Variants in LTBP1 observed in about 807,000 individuals in gnomAD.
The protein encoded by LTBP1 is latent-transforming growth factor beta-binding protein 1.
A neutral mutation model predicts 207.6 loss-of-function variants in LTBP1; 129 were observed. The observed-to-expected ratio is 0.62, with a 90% CI of 0.54 to 0.72. The LOEUF (loss-of-function observed/expected upper bound fraction) is 0.72. Among genes scored for constraint, LTBP1 ranks in the 30% least tolerant of loss-of-function variants. LTBP1 has a pLI of 0.00. For synonymous variants in LTBP1, 963 were observed against 833.7 expected (o/e 1.16, Z -2.67); for missense variants, 2,281 against 2,217.2 (o/e 1.03, Z -0.58).
In LTBP1 at chr2:33,345,566, T is replaced by A. The variant is rs142763538; in HGVS notation, c.3857-1801T>A. On this transcript the variant is annotated intron_variant, in intron 25 of 33. Coordinates refer to ENST00000404816, the MANE Select transcript of LTBP1 (RefSeq NM_206943.4). ...TAAGTTTTTCTGGTCTCAATATGAC[T>A]GTCGGTTGATTAAATATTTCAACTC... Among the ~76,000 whole-genome samples, 5 of 152,368 alleles carry A rather than the reference T, an allele frequency of 3.3e-5. No homozygotes were observed. In the East Asian group the frequency reaches 9.6e-4, roughly 29 times the overall value.
intron 24 of LTBP1, among the ~76,000 whole-genome samples, chr2:33,341,727 A>ATATAT (rs1285574448): frequency 5.6e-5 from 5 of 89,604 alleles, no homozygotes; most frequent in African/African-American, 3.1e-4. Flanking sequence ...AAAAAAAAAA[A>ATATAT]AAATATATAT....
intron 4 of LTBP1, among the ~76,000 whole-genome samples, chr2:33,120,757 AG>A (rs2081059418): frequency 6.6e-6 from 1 of 152,180 alleles, no homozygotes; most frequent in African/African-American, 2.4e-5. Flanking sequence ...TAGCTCTTTG[AG>A]GAATTGCCAA....
chr2:33,350,704 G>C lies in LTBP1; in HGVS notation c.4000+3194G>C, dbSNP rs571354008. Among the ~76,000 whole-genome samples, 6 of 147,402 alleles carry C rather than the reference G, an allele frequency of 4.1e-5. No individual in the cohort carries two copies. In the East Asian group the frequency reaches 1.2e-3, roughly 28 times the overall value. On this transcript the variant is annotated intron_variant, in intron 26 of 33. Transcript: ENST00000404816. ...TCTGAAAAAGAAGTAACTAAAAAAT[G>C]TCCATACCAGGCCACTCATCACATT... is the stretch of plus-strand genomic sequence containing the variant.
chr2:32,996,545 G>A (rs1293298622), intron 2 of LTBP1, among the ~76,000 whole-genome samples: 1 of 152,082 alleles, frequency 6.6e-6, no homozygotes, highest in Non-Finnish European at 1.5e-5. Context: ...AGATGCTGGG[G>A]GTGCAGTGGT....
At chr2:33,085,851 T>C (rs988613521) in intron 3 of LTBP1, among the ~76,000 whole-genome samples, 6 of 152,172 alleles carry the variant, frequency 3.9e-5, no homozygotes, top group Admixed American at 1.3e-4. Context: ...TTCTGGCCAC[T>C]GGGTGTGGTG....
At chr2:33,322,334 C>T (rs2094367815) in intron 24 of LTBP1, among the ~76,000 whole-genome samples, 1 of 152,232 alleles carries the variant, frequency 6.6e-6, no homozygotes, top group South Asian at 2.1e-4. Context: ...GGGCGTCCTA[C>T]ATCTGACTCC....
intron 3 of LTBP1, among the ~76,000 whole-genome samples, chr2:33,024,526 T>A (rs2075323525): frequency 6.6e-6 from 1 of 152,162 alleles, no homozygotes; most frequent in Non-Finnish European, 1.5e-5. Flanking sequence ...CAGGTGGGGA[T>A]TAGATGAATT....
At chr2:33,182,124 G>T (rs534757879) in intron 5 of LTBP1, among the ~76,000 whole-genome samples, 1 of 151,954 alleles carries the variant, frequency 6.6e-6, no homozygotes, top group Non-Finnish European at 1.5e-5. Flanking sequence ...GACTTTTATT[G>T]GTTGAAATAA....
At chr2:33,112,392 C>G (rs1335656190) in intron 4 of LTBP1, among the ~76,000 whole-genome samples, 1 of 152,184 alleles carries the variant, frequency 6.6e-6, no homozygotes, top group Non-Finnish European at 1.5e-5. Context: ...AGATAAGTTT[C>G]TTATCTGTTC....
chr2:33,054,438 A>G (rs2149536289), intron 3 of LTBP1, among the ~76,000 whole-genome samples: 1 of 152,302 alleles, frequency 6.6e-6, no homozygotes, highest in Non-Finnish European at 1.5e-5. Flanking sequence ...TCCAATGCCC[A>G]GACTTCAGGG....
At chr2:32,959,359 G>C (rs2148388468) in intron 2 of LTBP1, among the ~76,000 whole-genome samples, 1 of 152,048 alleles carries the variant, frequency 6.6e-6, no homozygotes, top group South Asian at 2.1e-4. Context: ...AATTTTTATA[G>C]AGGAGATAGC....
Position 33,397,229 on chromosome 2 carries a change from C to T in LTBP1, c.4931C>T (p.Thr1644Ile). ...TGTGTGAGGGTCCAGGAAGGTTACACCTGCGATTGCTTTGATGGGTATCAC... is the reference window on the plus strand; with the variant it reads ...TGTGTGAGGGTCCAGGAAGGTTACATCTGCGATTGCTTTGATGGGTATCAC... Reference protein sequence around the residue: ...GRCVRVQEGYTCDCFDGYHLD... With the variant: ...GRCVRVQEGYICDCFDGYHLD... The change falls in exon 33 of 34, where the codon ACC becomes ATC. Residue 1644 changes from threonine to isoleucine, a missense_variant. Physicochemically the swap from Thr to Ile is moderately conservative, Grantham distance 89. Transcript: ENST00000404816. 6.2e-7 allele frequency: 1 copy of T among 1,614,132 alleles called. No homozygotes were observed. The highest frequency in any genetic ancestry group is 8.5e-7 in the Non-Finnish European group (1 of 1,180,018).
chr2:33,125,689 G>A (rs1231356399), intron 4 of LTBP1, among the ~76,000 whole-genome samples: 1 of 151,980 alleles, frequency 6.6e-6, no homozygotes, highest in Non-Finnish European at 1.5e-5. Context: ...AAATTAGCTG[G>A]GCGTGGTGCA....
intron 3 of LTBP1, among the ~76,000 whole-genome samples, chr2:33,045,350 A>G (rs1219225857): frequency 1.3e-5 from 2 of 152,032 alleles, no homozygotes; most frequent in African/African-American, 4.8e-5. Context: ...AGTTTTCCCA[A>G]CACTATTTAT....
intron 33 of LTBP1, among the ~76,000 whole-genome samples, 167 bp from the exon 34 acceptor site, chr2:33,398,197 C>T (rs1221413497): frequency 2.6e-5 from 4 of 152,180 alleles, no homozygotes; most frequent in Non-Finnish European, 5.9e-5. Flanking sequence ...GATAATCTGC[C>T]TCTTTAAGAT....
At chr2:33,307,143 A>G (rs2094111068) in intron 22 of LTBP1, among the ~76,000 whole-genome samples, 1 of 152,232 alleles carries the variant, frequency 6.6e-6, no homozygotes, top group African/African-American at 2.4e-5. Context: ...ATAGTTGTAG[A>G]GCTGTCAGAG....
At chr2:33,150,365 A>G (rs959793217) in intron 5 of LTBP1, among the ~76,000 whole-genome samples, 2 of 152,168 alleles carry the variant, frequency 1.3e-5, no homozygotes, top group African/African-American at 2.4e-5. Context: ...CATAATTTAC[A>G]TGACTGATTT....
intron 2 of LTBP1, among the ~76,000 whole-genome samples, chr2:32,984,430 A>T (rs1683226790): frequency 6.6e-6 from 1 of 152,198 alleles, no homozygotes; most frequent in Admixed American, 6.5e-5. Context: ...GTTTTTCAAA[A>T]ATAGGAGAGC....
At chr2:33,374,679 G>A (rs2095114654) in intron 31 of LTBP1, among the ~76,000 whole-genome samples, 2 of 152,310 alleles carry the variant, frequency 1.3e-5, no homozygotes, top group East Asian at 1.9e-4. Context: ...TCTTGGCCCG[G>A]CACAGTGGCT....
Sources: allele counts gnomAD v4.1 joint callset (sites outside exome capture counted in the v4.1 genomes callset), GRCh38; gene constraint gnomAD v4.1.1; transcripts MANE v1.5; gene names NCBI Gene and HGNC (gene_info 2026-07-23, HGNC 2026-07-21).